ZFHX3: variants seen among roughly 807,000 people sequenced by gnomAD.
ZFHX3 encodes the protein zinc finger homeobox 3, also known as zinc finger homeobox protein 3.
In ZFHX3, 42 loss-of-function variants were observed where a neutral mutation model predicts 279.1. The ratio of observed to expected loss-of-function variants is 0.15; its 90% confidence interval spans 0.12 to 0.19. The LOEUF (loss-of-function observed/expected upper bound fraction) is 0.19. Among genes scored for constraint, ZFHX3 ranks in the 10% least tolerant of loss-of-function variants. The probability of loss-of-function intolerance (pLI) is 1.00; values close to 1 mark genes in which losing one functional copy is unlikely to be tolerated. For missense variants in ZFHX3, 4,981 were observed against 4,754.0 expected, an observed-to-expected ratio of 1.05 and a Z score of -1.40; for synonymous variants, 2,293 against 1,957.8, an observed-to-expected ratio of 1.17 and a Z score of -4.52.
chr16:73,368,771 A>G (rs1163479956), intron 3 of ZFHX3, among the ~76,000 whole-genome samples: 1 of 152,236 alleles, frequency 6.6e-6, no homozygotes, highest in Non-Finnish European at 1.5e-5. Flanking sequence ...TTGAGTATCT[A>G]TTATGTGCTA....
rs56057780 is a variant in ZFHX3 at position 73,788,814 on chromosome 16, A to T, written c.-1608+102837T>A. ...GTGGTGAAACCCCATCTCTACTAAA[A>T]ATGCAAAAAATTAGCTGGGTGTGCC... is the stretch of plus-strand genomic sequence containing the variant. On this transcript the variant is annotated intron_variant, in intron 1 of 17. Coordinates refer to the ZFHX3 transcript ENST00000641206. Among the ~76,000 whole-genome samples, 199 of 151,550 alleles carry T rather than the reference A, an allele frequency of 1.3e-3. 1 individual carries two copies. The highest frequency in any genetic ancestry group is 4.3e-3 in the African/African-American group (178 of 41,414).
At chr16:73,452,434 T>C (rs1027567915) in intron 3 of ZFHX3, among the ~76,000 whole-genome samples, 3 of 152,180 alleles carry the variant, frequency 2.0e-5, no homozygotes, top group East Asian at 1.9e-4. Context: ...TGAACTCTTC[T>C]AGCTGGCAGA....
chr16:73,112,959 G>T (rs1248184962), intron 7 of ZFHX3, among the ~76,000 whole-genome samples: 1 of 152,024 alleles, frequency 6.6e-6, no homozygotes, highest in Non-Finnish European at 1.5e-5. Flanking sequence ...ACCCACAGCA[G>T]CCCTGCGCCT....
At chr16:73,520,099 CT>C (rs2019587044) in intron 2 of ZFHX3, among the ~76,000 whole-genome samples, 1 of 152,130 alleles carries the variant, frequency 6.6e-6, no homozygotes, top group Non-Finnish European at 1.5e-5. Flanking sequence ...ACACCAGGCA[CT>C]TTTTCACAAA....
chr16:73,774,590 C>G (rs1415016612), intron 1 of ZFHX3, among the ~76,000 whole-genome samples: 1 of 152,174 alleles, frequency 6.6e-6, no homozygotes, highest in African/African-American at 2.4e-5. Context: ...CTTGTCTATG[C>G]ACCCCCCAAA....
intron 3 of ZFHX3, among the ~76,000 whole-genome samples, chr16:73,360,734 G>T (rs1466774652): frequency 6.6e-6 from 1 of 152,200 alleles, no homozygotes; most frequent in African/African-American, 2.4e-5. Flanking sequence ...GCAGTGTCTG[G>T]TATATGACAC....
intron 1 of ZFHX3, among the ~76,000 whole-genome samples, chr16:73,838,754 GTGTGTGTC>G (rs1415861567): frequency 7.9e-6 from 1 of 126,058 alleles, no homozygotes; most frequent in African/African-American, 3.8e-5. Flanking sequence ...GCACATGCGT[GTGTGTGTC>G]TGTGTGTGTG....
intron 5 of ZFHX3, among the ~76,000 whole-genome samples, chr16:72,819,655 A>C (rs1052249787): frequency 1.3e-5 from 2 of 152,252 alleles, no homozygotes; most frequent in African/African-American, 4.8e-5. Context: ...GAGAGGGCCC[A>C]GCAAGCATGG....
At chr16:73,477,411 C>G (rs1301319159) in intron 2 of ZFHX3, among the ~76,000 whole-genome samples, 1 of 152,150 alleles carries the variant, frequency 6.6e-6, no homozygotes, top group South Asian at 2.1e-4. Context: ...AAAGGGATTA[C>G]TTCAAAATAA....
At chr16:73,562,026 C>T (rs1226374143) in intron 2 of ZFHX3, among the ~76,000 whole-genome samples, 1 of 152,160 alleles carries the variant, frequency 6.6e-6, no homozygotes, top group Non-Finnish European at 1.5e-5. Flanking sequence ...TACAGAGTAA[C>T]TCTTTTGAGA....
intron 3 of ZFHX3, among the ~76,000 whole-genome samples, chr16:72,904,853 T>C (rs1002402327): frequency 6.6e-6 from 1 of 152,096 alleles, no homozygotes; most frequent in Non-Finnish European, 1.5e-5. Flanking sequence ...CTTTCTGAGA[T>C]GGGAGTCTCA....
At chr16:73,839,963 G>A (rs771789395) in intron 1 of ZFHX3, among the ~76,000 whole-genome samples, 12 of 152,196 alleles carry the variant, frequency 7.9e-5, no homozygotes, top group Middle Eastern at 3.4e-3. Flanking sequence ...CCCATTCCTG[G>A]ACCCATCCTC....
At chr16:73,535,052 A>C (rs2143736200) in intron 2 of ZFHX3, among the ~76,000 whole-genome samples, 1 of 152,234 alleles carries the variant, frequency 6.6e-6, no homozygotes, top group South Asian at 2.1e-4. Context: ...AAAAAAAGCA[A>C]AAAACTTTGA....
At chr16:73,713,500 C>T (rs980031017) in intron 1 of ZFHX3, among the ~76,000 whole-genome samples, 2 of 152,192 alleles carry the variant, frequency 1.3e-5, no homozygotes, top group Non-Finnish European at 2.9e-5. Flanking sequence ...CCCAACTGTC[C>T]ATGCAATGCA....
At chr16:73,295,048 C>A (rs756140073) in intron 4 of ZFHX3, among the ~76,000 whole-genome samples, 4 of 151,894 alleles carry the variant, frequency 2.6e-5, no homozygotes, top group Non-Finnish European at 5.9e-5. Flanking sequence ...CAAGTCTTTA[C>A]TAAAAATACA....
At chr16:73,364,387 A>G (rs2016491958) in intron 3 of ZFHX3, among the ~76,000 whole-genome samples, 1 of 150,264 alleles carries the variant, frequency 6.7e-6, no homozygotes, top group Non-Finnish European at 1.5e-5. Flanking sequence ...TAATAATAAT[A>G]GTAATAATAG....
At chr16:73,414,709 G>A (rs1351629118) in intron 3 of ZFHX3, among the ~76,000 whole-genome samples, 2 of 152,128 alleles carry the variant, frequency 1.3e-5, no homozygotes, top group East Asian at 1.9e-4. Context: ...ATGGGGGCAC[G>A]TGCCTATGGT....
intron 3 of ZFHX3, among the ~76,000 whole-genome samples, chr16:73,444,681 C>G (rs1441565414): frequency 6.6e-6 from 1 of 152,210 alleles, no homozygotes; most frequent in Non-Finnish European, 1.5e-5. Flanking sequence ...CATGTTCTCT[C>G]TTTGGTGCAT....
chr16:73,378,738 C>G (rs1425109678), intron 3 of ZFHX3, among the ~76,000 whole-genome samples: 3 of 152,174 alleles, frequency 2.0e-5, no homozygotes, highest in Non-Finnish European at 4.4e-5. Context: ...ATTCCTCCCC[C>G]CATGCTTTGG....
Sources: allele counts gnomAD v4.1 joint callset (sites outside exome capture counted in the v4.1 genomes callset), GRCh38; gene constraint gnomAD v4.1.1; transcripts MANE v1.5; gene names NCBI Gene and HGNC (gene_info 2026-07-23, HGNC 2026-07-21).